The following CYP2W1 variants were observed in gnomAD, a reference collection of about 807,000 sequenced individuals.
CYP2W1 encodes cytochrome P450 2W1.
Under a neutral mutation model 44.9 loss-of-function variants are expected in CYP2W1, and 51 were observed. That is an observed-to-expected ratio of 1.14 (90% CI 0.91 to 1.43). The LOEUF (loss-of-function observed/expected upper bound fraction) is 1.43, where lower values mean the gene tolerates loss of function less well. Ranked by LOEUF, CYP2W1 falls within the 40% of genes most tolerant of loss-of-function variation. The pLI, the probability that CYP2W1 is intolerant of heterozygous loss-of-function variation, is 0.00. For synonymous variants in CYP2W1, 383 were observed against 338.3 expected (o/e 1.13, Z -1.45); for missense variants, 746 against 700.0 (o/e 1.07, Z -0.74).
chr7:984,477 G>A lies in CYP2W1; in HGVS notation c.240G>A (p.Thr80=), dbSNP rs147129162. 4.0e-5 allele frequency: 62 copies of A among 1,551,702 alleles called. No individual in the cohort carries two copies. Among genetic ancestry groups the A allele is most frequent in the African/African-American group, 8.2e-5 (6 of 73,358 alleles). The stretch of plus-strand genomic sequence containing the variant: ...GGCGCCAGAAGACGGTGGTGCTGAC[G>A]GGGTTCGAGGCGGTCAAAGAGGCGC... ...HLGRQKTVVL[T]GFEAVKEALA... is the part of the protein sequence containing the mutation. The change falls in exon 2 of 9, where the codon ACG becomes ACA. Residue 80 remains threonine, a synonymous_variant. Transcript: ENST00000308919.
chr7:988,532 C>G, intron 8 of CYP2W1, 103 bp from the exon 9 acceptor site: 2 of 1,596,448 alleles, frequency 1.3e-6, no homozygotes, highest in Non-Finnish European at 1.7e-6. Context: ...GTTCTGAAGG[C>G]GGCTGTGGTG....
At chr7:983,765 TC>T (rs1238918811) in intron 1 of CYP2W1, among the ~76,000 whole-genome samples, 2 of 152,186 alleles carry the variant, frequency 1.3e-5, no homozygotes, top group Admixed American at 6.5e-5. Context: ...CCTCAGGTGT[TC>T]AACAGCAAAC....
At position 988,318 on chromosome 7, in the gene CYP2W1, T is replaced by C. The variant is rs756484975; in HGVS notation, c.1185T>C (p.Asp395=). Reference sequence around the variant, plus strand: ...CCCTGCTGACCTCGGTGCTCCTGGATGAGACACAGTGGCAGACCCCAGGCC... The same window carrying C: ...CCCTGCTGACCTCGGTGCTCCTGGACGAGACACAGTGGCAGACCCCAGGCC... ...VIPLLTSVLL[D]ETQWQTPGQF... is the part of the protein sequence containing the mutation. The change falls in exon 8 of 9, where the codon GAT becomes GAC. Residue 395 remains aspartate, a synonymous_variant. Transcript: ENST00000308919. The C allele has an allele frequency of 6.2e-7, 1 of 1,610,540 alleles. No individual in the cohort carries two copies.
chr7:985,074 C>G lies in CYP2W1; in HGVS notation c.462C>G (p.Leu154=). The G allele has an allele frequency of 6.2e-7, 1 of 1,612,466 alleles. No homozygotes were observed. The change falls in exon 3 of 9, where the codon CTC becomes CTG. Residue 154 remains leucine, a synonymous_variant. Coordinates refer to ENST00000308919, the MANE Select transcript of CYP2W1 (RefSeq NM_017781.3). The part of the protein sequence containing the change: ...ADKILQELKC[L]SGQLDGYRGR... ...AGATTCTGCAGGAGCTGAAATGCCT[C>G]TCTGGGCAGCTGGATGGCTACAGAG...
chr7:987,435 C>G lies in CYP2W1; in HGVS notation c.1047C>G (p.Ala349=), dbSNP rs748600320. 6.3e-7 allele frequency: 1 copy of G among 1,589,954 alleles called. No homozygotes were observed. Among genetic ancestry groups the G allele is most frequent in the Non-Finnish European group, 8.5e-7 (1 of 1,175,894 alleles). Reference sequence around the variant, plus strand: ...AGCAGGCTCTGCCCTACACAAGCGCCGTGCTCCACGAGGTGCAGCGGTTCA... The same window carrying G: ...AGCAGGCTCTGCCCTACACAAGCGCGGTGCTCCACGAGGTGCAGCGGTTCA... ...EDQQALPYTS[A]VLHEVQRFIT... Residue 349 remains alanine (A), a synonymous_variant, in exon 7 of 9, where the codon GCC becomes GCG. Coordinates refer to ENST00000308919, the MANE Select transcript of CYP2W1 (RefSeq NM_017781.3).
intron 7 of CYP2W1, 50 bp downstream of exon 7, chr7:987,581 G>C (rs537653393): frequency 6.9e-7 from 1 of 1,450,756 alleles, no homozygotes; most frequent in Non-Finnish European, 9.1e-7. Context: ...GGTAGGCCTC[G>C]GCGGGGGTCC....
chr7:988,855 C>T lies in CYP2W1; in HGVS notation c.*33C>T, dbSNP rs1432429686. 3.0e-6 allele frequency: 4 copies of T among 1,352,834 alleles called. No individual in the cohort carries two copies. The highest frequency in any genetic ancestry group is 1.3e-5 in the South Asian group (1 of 74,552). 83.8% of individuals were successfully genotyped at this position (1,352,834 alleles called of 1,614,324 possible). A position where few individuals can be genotyped will look rare whatever the true frequency, so the allele number is the denominator to read the frequency against. On this transcript the variant is annotated 3_prime_UTR_variant, in exon 9 of 9. Transcript: ENST00000308919. ...CCCAGCCCCCAGGTCCTCCTGACCACTCCCCTCCCAGCCCTGGGTCCTCCC... is the reference window on the plus strand; with the variant it reads ...CCCAGCCCCCAGGTCCTCCTGACCATTCCCCTCCCAGCCCTGGGTCCTCCC...
At position 983,291 on chromosome 7, in the gene CYP2W1, C is replaced by T. The variant is rs1239867699; in HGVS notation, c.80C>T (p.Pro27Leu). 3 of 1,543,702 alleles carry T rather than the reference C, an allele frequency of 1.9e-6. No individual in the cohort carries two copies. The highest frequency in any genetic ancestry group is 1.4e-5 in the African/African-American group (1 of 73,090). ...LLCACAQDPSPAARWPPGPRP... is the reference protein window; with the variant it reads ...LLCACAQDPSLAARWPPGPRP... ...TGCGCCTGCGCCCAAGACCCCTCCC[C>T]AGCTGCCCGGTGGCCCCCGGGGCCT... The change falls in exon 1 of 9, where the codon CCA (proline) becomes CTA (leucine). Residue 27 changes from proline (P) to leucine (L), a missense_variant. Transcript: ENST00000308919.
chr7:987,586 G>T (rs575747380), intron 7 of CYP2W1, 55 bp downstream of exon 7: 12 of 1,430,678 alleles, frequency 8.4e-6, no homozygotes, highest in Non-Finnish European at 9.2e-6. Flanking sequence ...GCCTCGGCGG[G>T]GGTCCAGGGG....
At position 983,866 on chromosome 7, in the gene CYP2W1, C is replaced by A. The variant is rs577404248; in HGVS notation, c.174+481C>A. On this transcript the variant is annotated intron_variant, in intron 1 of 8. Coordinates refer to ENST00000308919, the MANE Select transcript of CYP2W1 (RefSeq NM_017781.3). ...GCAGGGATGCTGAGGACAGAGGGTA[C>A]GGGGACACGGCACGGGGCAGCCTGA... 5.9e-5 allele frequency among the ~76,000 whole-genome samples: 9 copies of A among 152,324 alleles called. No individual in the cohort carries two copies. In the South Asian group the frequency reaches 1.5e-3, roughly 25 times the overall value.
At chr7:988,460 G>A (rs1020275546) in intron 8 of CYP2W1, 42 bp downstream of exon 8, 1 of 1,609,928 alleles carries the variant, frequency 6.2e-7, no homozygotes, top group South Asian at 1.1e-5. Flanking sequence ...CACCTCCAGG[G>A]CTCCAGGGGT....
chr7:988,255 T>C, intron 7 of CYP2W1, 22 bp from the exon 8 acceptor site: 1 of 1,559,076 alleles, frequency 6.4e-7, no homozygotes, highest in Non-Finnish European at 8.7e-7. Flanking sequence ...CCCCTCTCTC[T>C]GTGCCCCGGC....
chr7:988,672 C>G lies in CYP2W1; in HGVS notation c.1323C>G (p.Thr441=), dbSNP rs562159532. ...RVCVGERLAR[T]ELFLLFAGLL... ...GTGTTGGGGAGCGCCTGGCCAGGAC[C>G]GAGCTCTTCCTGCTGTTTGCCGGCC... The change falls in exon 9 of 9, where the codon ACC becomes ACG. Residue 441 remains threonine (T), a synonymous_variant. Coordinates refer to ENST00000308919, the MANE Select transcript of CYP2W1 (RefSeq NM_017781.3). 1 of 1,600,770 alleles carries G rather than the reference C, an allele frequency of 6.2e-7. No homozygotes were observed. Among genetic ancestry groups the G allele is most frequent in the Non-Finnish European group, 8.5e-7 (1 of 1,179,620 alleles).
Position 988,433 on chromosome 7 carries a change from G to A in CYP2W1, c.1285+15G>A. On this transcript the variant is annotated intron_variant, in intron 8 of 8. Transcript: ENST00000308919. ...TTTCTCTGCAGGTCAGCAGCCCTCG[G>A]GGCCGGGGTGGGGCGGCACCTCCAG... is the stretch of plus-strand genomic sequence containing the variant. 6.2e-7 allele frequency: 1 copy of A among 1,612,104 alleles called. No individual in the cohort carries two copies. The highest frequency in any genetic ancestry group is 8.5e-7 in the Non-Finnish European group (1 of 1,179,706).
At position 985,258 on chromosome 7, in the gene CYP2W1, G is replaced by C. The variant is rs894293547; in HGVS notation, c.580G>C (p.Val194Leu). 6.4e-7 allele frequency: 1 copy of C among 1,551,852 alleles called. No homozygotes were observed. ...FGRRFDYRDP[V>L]FVSLLGLIDE... ...CCGCCGATTTGACTACCGGGACCCC[G>C]TGTTTGTGTCCCTGCTGGGTCTCAT... is the stretch of plus-strand genomic sequence containing the variant. Residue 194 changes from valine to leucine, a missense_variant, in exon 4 of 9, where the codon GTG becomes CTG. Physicochemically the swap from Val to Leu is conservative, Grantham distance 32. Coordinates refer to ENST00000308919, the MANE Select transcript of CYP2W1 (RefSeq NM_017781.3).
At chr7:984,892 C>T in intron 2 of CYP2W1, 58 bp from the exon 3 acceptor site, 2 of 1,527,836 alleles carry the variant, frequency 1.3e-6, no homozygotes, top group Non-Finnish European at 1.7e-6. Context: ...GCCCACTTGC[C>T]TGGCGGGGCT....
At position 988,782 on chromosome 7, in the gene CYP2W1, G is replaced by A; in HGVS notation, c.1433G>A (p.Arg478Lys). 3 of 1,596,390 alleles carry A rather than the reference G, an allele frequency of 1.9e-6. No individual in the cohort carries two copies. Among genetic ancestry groups the A allele is most frequent in the Non-Finnish European group, 2.5e-6 (3 of 1,178,244 alleles). Residue 478 changes from arginine to lysine, a missense_variant, in exon 9 of 9, where the codon AGG becomes AAG. Coordinates refer to ENST00000308919, the MANE Select transcript of CYP2W1 (RefSeq NM_017781.3). ...ACGCCCGCCCGGGCTTTTACCATGA[G>A]GCCGAGGGCCCAGGCCCTGTGTGCG... The part of the protein sequence containing the change: ...DTTPARAFTM[R>K]PRAQALCAVP...
intron 1 of CYP2W1, among the ~76,000 whole-genome samples, chr7:983,837 C>T (rs1480994661): frequency 1.3e-5 from 2 of 152,230 alleles, no homozygotes; most frequent in African/African-American, 2.4e-5. Context: ...CCTGTGCCTC[C>T]TGGGCAGGGA....
In CYP2W1 at chr7:983,188, T is replaced by C. The variant is rs2128121040; in HGVS notation, c.-24T>C. ...GGGGGGACGGGGCCCAGGAGGGGAG[T>C]GGAGCCTCACCAGCCACGTCCTCAT... On this transcript the variant is annotated 5_prime_UTR_variant, in exon 1 of 9. Coordinates refer to ENST00000308919, the MANE Select transcript of CYP2W1 (RefSeq NM_017781.3). 1 of 1,453,178 alleles carries C rather than the reference T, an allele frequency of 6.9e-7. No individual in the cohort carries two copies. 90.0% of individuals were successfully genotyped at this position (1,453,178 alleles called of 1,614,324 possible).
Sources: gnomAD v4.1 joint callset for allele counts (sites outside exome capture counted in the v4.1 genomes callset) on GRCh38, gnomAD v4.1.1 for gene constraint, MANE v1.5 for transcripts, NCBI Gene and HGNC (gene_info 2026-07-23, HGNC 2026-07-21) for gene names.